CTNNBL1: variants seen among roughly 807,000 people sequenced by gnomAD.
CTNNBL1 encodes the protein beta-catenin-like protein 1.
In CTNNBL1, 31 loss-of-function variants were observed where a neutral mutation model predicts 72.7. The ratio of observed to expected loss-of-function variants is 0.43; its 90% confidence interval spans 0.32 to 0.58. The LOEUF (loss-of-function observed/expected upper bound fraction) is 0.58, where lower values mean the gene tolerates loss of function less well. Among genes scored for constraint, CTNNBL1 ranks in the 20% least tolerant of loss-of-function variants. CTNNBL1 has a pLI of 0.08. For missense variants in CTNNBL1, 534 were observed against 725.1 expected (o/e 0.74, Z 3.03); for synonymous variants, 240 against 267.3 (o/e 0.90, Z 1.00).
chr20:37,699,054 AAAAC>A (rs967165195), intron 1 of CTNNBL1, among the ~76,000 whole-genome samples: 8 of 152,200 alleles, frequency 5.3e-5, no homozygotes, highest in African/African-American at 1.7e-4. Flanking sequence ...TCAAAAACAA[AAAAC>A]AAACAAACAA....
At chr20:37,868,543 G>A (rs1022588771) in intron 15 of CTNNBL1, among the ~76,000 whole-genome samples, 1 of 152,210 alleles carries the variant, frequency 6.6e-6, no homozygotes, top group Non-Finnish European at 1.5e-5. Flanking sequence ...TCTTCCAGGG[G>A]ACACTAAGCC....
intron 10 of CTNNBL1, among the ~76,000 whole-genome samples, chr20:37,794,139 T>G (rs993962626): frequency 2.0e-5 from 3 of 152,178 alleles, no homozygotes; most frequent in African/African-American, 7.2e-5. Flanking sequence ...GTCTTTTATA[T>G]TCACCCACTT....
At chr20:37,855,106 CAAAA>C (rs34429259) in intron 13 of CTNNBL1, among the ~76,000 whole-genome samples, 74 of 130,798 alleles carry the variant, frequency 5.7e-4, no homozygotes, top group African/African-American at 8.6e-4. Flanking sequence ...TCTAATAAGC[CAAAA>C]AAAAAAAAAA....
In CTNNBL1 at chr20:37,717,059, C is replaced by T. The variant is rs150431784; in HGVS notation, c.31-15820C>T. On this transcript the variant is annotated intron_variant, in intron 1 of 15. Coordinates refer to ENST00000361383, the MANE Select transcript of CTNNBL1 (RefSeq NM_030877.5). ...ATGATCCGGTTCTCACTCATTCAGT[C>T]CTGGATCATTCATTCCCCCCTTCCC... Among the ~76,000 whole-genome samples, 258 of 151,634 alleles carry T rather than the reference C, an allele frequency of 1.7e-3. 3 individuals are homozygous for T. The highest frequency in any genetic ancestry group is 6.0e-3 in the African/African-American group (247 of 40,922).
At chr20:37,695,520 C>A (rs577522468) in intron 1 of CTNNBL1, among the ~76,000 whole-genome samples, 1 of 152,220 alleles carries the variant, frequency 6.6e-6, no homozygotes, top group East Asian at 1.9e-4. Context: ...TGTTTAAAAC[C>A]AATTTTAACT....
intron 10 of CTNNBL1, among the ~76,000 whole-genome samples, chr20:37,784,599 A>T (rs1487879557): frequency 6.6e-6 from 1 of 152,242 alleles, no homozygotes; most frequent in Non-Finnish European, 1.5e-5. Context: ...CAAACTGACA[A>T]GCAAAGAGAA....
chr20:37,810,504 G>A (rs765124516), intron 11 of CTNNBL1, among the ~76,000 whole-genome samples: 1 of 152,158 alleles, frequency 6.6e-6, no homozygotes, highest in Non-Finnish European at 1.5e-5. Flanking sequence ...TTCAACATGA[G>A]TTTTGGTGGG....
chr20:37,833,271 A>G (rs906980205), intron 11 of CTNNBL1, among the ~76,000 whole-genome samples: 6 of 152,194 alleles, frequency 3.9e-5, no homozygotes, highest in Non-Finnish European at 7.3e-5. Flanking sequence ...GCCCTCTCAC[A>G]TAGAAACAGG....
intron 6 of CTNNBL1, among the ~76,000 whole-genome samples, chr20:37,765,868 G>C (rs2073463194): frequency 6.6e-6 from 1 of 151,980 alleles, no homozygotes; most frequent in Non-Finnish European, 1.5e-5. Context: ...TCTCCTCCTT[G>C]AATCTCCCCA....
rs537748981 is a variant in CTNNBL1, at chr20:37,871,792, T to A, written c.1604-133T>A. On this transcript the variant is annotated intron_variant, in intron 15 of 15. Transcript: ENST00000361383. ...CCTCAAAGGCAAGACCCCAAGGAAT[T>A]TGGCTACAGTGGGGGCATTAGGGCG... is the stretch of plus-strand genomic sequence containing the variant. 346 of 697,090 alleles carry A rather than the reference T, an allele frequency of 5.0e-4. No homozygotes were observed. The South Asian group carries it at 5.6e-3, about 11-fold the overall frequency. The allele number at this position is 697,090 out of a possible 1,614,324, so 43.2% of individuals were successfully genotyped here. A position where few individuals can be genotyped will look rare whatever the true frequency, so the allele number is the denominator to read the frequency against.
At chr20:37,816,177 C>T (rs1327157572) in intron 11 of CTNNBL1, among the ~76,000 whole-genome samples, 1 of 152,158 alleles carries the variant, frequency 6.6e-6, no homozygotes, top group East Asian at 1.9e-4. Context: ...GATCCCCAAA[C>T]AGAAATTATT....
intron 7 of CTNNBL1, among the ~76,000 whole-genome samples, chr20:37,773,128 A>C (rs2073540257): frequency 6.6e-6 from 1 of 152,360 alleles, no homozygotes; most frequent in South Asian, 2.1e-4. Flanking sequence ...TCAATGCTTC[A>C]GAAACAGTTG....
intron 10 of CTNNBL1, among the ~76,000 whole-genome samples, chr20:37,800,000 G>A (rs569994933): frequency 5.3e-5 from 8 of 152,300 alleles, no homozygotes; most frequent in East Asian, 1.9e-4. Flanking sequence ...CCACTATTGG[G>A]ACCCAGTCCT....
At position 37,696,564 on chromosome 20, in the gene CTNNBL1, C is replaced by T. The variant is rs540066992; in HGVS notation, c.30+2412C>T. ...GTTCAAGCGATTCTCCTGCCTCAGC[C>T]TCCTGAGTAGCTGGGATTACGGGCA... On this transcript the variant is annotated intron_variant, in intron 1 of 15. Coordinates refer to ENST00000361383, the MANE Select transcript of CTNNBL1 (RefSeq NM_030877.5). Among the ~76,000 whole-genome samples, 5 of 151,110 alleles carry T rather than the reference C, an allele frequency of 3.3e-5. No individual in the cohort carries two copies. The South Asian group carries it at 1.1e-3, about 32-fold the overall frequency.
rs563203320 is a variant in CTNNBL1, at chr20:37,797,901, T to C, written c.1032-4966T>C. Among the ~76,000 whole-genome samples, 3 of 152,350 alleles carry C rather than the reference T, an allele frequency of 2.0e-5. No individual in the cohort carries two copies. The East Asian group carries it at 5.8e-4, about 29-fold the overall frequency. ...CTTTGCATGTGCTCTTGTTTCCTTC[T>C]GCATGAAATACCCTCTCCCTCTTTG... On this transcript the variant is annotated intron_variant, in intron 10 of 15. Coordinates refer to ENST00000361383, the MANE Select transcript of CTNNBL1 (RefSeq NM_030877.5).
chr20:37,776,151 C>G (rs2073571687), intron 7 of CTNNBL1, among the ~76,000 whole-genome samples: 1 of 152,182 alleles, frequency 6.6e-6, no homozygotes. Context: ...AACAAGGCTT[C>G]AAGCTCGCCC....
intron 13 of CTNNBL1, among the ~76,000 whole-genome samples, chr20:37,844,093 C>T (rs934047002): frequency 2.0e-5 from 3 of 152,156 alleles, no homozygotes; most frequent in African/African-American, 7.2e-5. Context: ...GAATAATGTA[C>T]TCCTTCTCTT....
intron 1 of CTNNBL1, among the ~76,000 whole-genome samples, chr20:37,700,302 A>G (rs1305229602): frequency 1.3e-5 from 2 of 152,192 alleles, no homozygotes; most frequent in African/African-American, 4.8e-5. Flanking sequence ...TCTAAAATTC[A>G]GAGACTAAGC....
chr20:37,814,667 G>C (rs2072039243), intron 11 of CTNNBL1, among the ~76,000 whole-genome samples: 1 of 152,106 alleles, frequency 6.6e-6, no homozygotes, highest in Non-Finnish European at 1.5e-5. Flanking sequence ...CAGCAATTCT[G>C]AGGACTGGGG....
Sources: allele counts gnomAD v4.1 joint callset (sites outside exome capture counted in the v4.1 genomes callset), GRCh38; gene constraint gnomAD v4.1.1; transcripts MANE v1.5; gene names NCBI Gene and HGNC (gene_info 2026-07-23, HGNC 2026-07-21).